CCDC102B: variants seen among roughly 807,000 people sequenced by gnomAD.
The protein encoded by CCDC102B is coiled-coil domain-containing protein 102B.
In CCDC102B, 75 loss-of-function variants were observed where a neutral mutation model predicts 57.4. That is an observed-to-expected ratio of 1.31 (90% CI 1.08 to 1.58). The LOEUF is 1.58. Ranked by LOEUF, CCDC102B falls within the 40% of genes most tolerant of loss-of-function variation. CCDC102B has a pLI of 0.00. For synonymous variants in CCDC102B, 206 were observed against 201.9 expected (o/e 1.02, Z -0.17); for missense variants, 636 against 582.6 (o/e 1.09, Z -0.94).
intron 7 of CCDC102B, among the ~76,000 whole-genome samples, chr18:69,038,113 T>C (rs2052343196): frequency 6.6e-6 from 1 of 151,978 alleles, no homozygotes; most frequent in South Asian, 2.1e-4. Flanking sequence ...TTTTTGTTTT[T>C]ATTTTTATAT....
At chr18:68,827,682 A>G (rs571387587) in intron 1 of CCDC102B, among the ~76,000 whole-genome samples, 119 of 152,150 alleles carry the variant, frequency 7.8e-4, no homozygotes, top group African/African-American at 2.7e-3. Flanking sequence ...GCCTAAATAG[A>G]CGAGGTAGAA....
chr18:68,830,164 T>A (rs2037086530), intron 1 of CCDC102B, among the ~76,000 whole-genome samples: 1 of 152,022 alleles, frequency 6.6e-6, no homozygotes, highest in Non-Finnish European at 1.5e-5. Context: ...ATTTAATCGA[T>A]ATGAGGTTCT....
At chr18:68,955,090 C>G (rs1406247600) in intron 6 of CCDC102B, among the ~76,000 whole-genome samples, 1 of 152,140 alleles carries the variant, frequency 6.6e-6, no homozygotes, top group Non-Finnish European at 1.5e-5. Context: ...ACAATGATGG[C>G]TACAACGCTA....
At chr18:68,904,249 C>T (rs984179562) in intron 6 of CCDC102B, among the ~76,000 whole-genome samples, 7 of 151,928 alleles carry the variant, frequency 4.6e-5, no homozygotes, top group African/African-American at 1.5e-4. Flanking sequence ...TAAAAATTTA[C>T]GTTATTATGG....
chr18:69,010,506 C>T (rs1471783051), intron 6 of CCDC102B, among the ~76,000 whole-genome samples: 1 of 152,110 alleles, frequency 6.6e-6, no homozygotes, highest in Admixed American at 6.5e-5. Context: ...AACATGACTA[C>T]AGCCTCACAA....
chr18:68,979,619 AG>A (rs1300787296), intron 6 of CCDC102B, among the ~76,000 whole-genome samples: 1 of 152,086 alleles, frequency 6.6e-6, no homozygotes, highest in African/African-American at 2.4e-5. Context: ...GATAAAATGC[AG>A]TTCCCTTTGA....
At chr18:68,765,335 A>G (rs1458360994) in intron 2 of CCDC102B, among the ~76,000 whole-genome samples, 1 of 108,782 alleles carries the variant, frequency 9.2e-6, no homozygotes, top group African/African-American at 3.2e-5. Flanking sequence ...GAAAGAAAGA[A>G]AGAAAGAAAG....
chr18:68,915,811 C>A (rs1359467365), intron 6 of CCDC102B, among the ~76,000 whole-genome samples: 1 of 152,072 alleles, frequency 6.6e-6, no homozygotes, highest in African/African-American at 2.4e-5. Context: ...CAATTTCAGT[C>A]GGTGTTTAGT....
chr18:68,872,413 T>A (rs905761398), intron 4 of CCDC102B, among the ~76,000 whole-genome samples: 4 of 152,122 alleles, frequency 2.6e-5, no homozygotes, highest in Admixed American at 2.6e-4. Context: ...CCAGATAAAT[T>A]TTTTTCTTTA....
chr18:68,838,685 T>G (rs2037493195), intron 2 of CCDC102B, 21 bp from the exon 3 acceptor site: 1 of 1,603,260 alleles, frequency 6.2e-7, no homozygotes, highest in African/African-American at 1.3e-5. Context: ...TTAAATATGT[T>G]TTGTTTTGTT....
intron 4 of CCDC102B, among the ~76,000 whole-genome samples, chr18:68,867,883 G>A (rs949073125): frequency 2.0e-5 from 3 of 151,992 alleles, no homozygotes; most frequent in Admixed American, 6.6e-5. Context: ...GCAGTGAGCC[G>A]AGGTCATGCC....
intron 2 of CCDC102B, among the ~76,000 whole-genome samples, chr18:68,743,675 AT>A (rs1312626896): frequency 6.6e-6 from 1 of 152,176 alleles, no homozygotes; most frequent in Admixed American, 6.5e-5. Context: ...TTTCAGATAC[AT>A]GAACTCCTGA....
At chr18:68,984,506 C>T (rs2050673851) in intron 6 of CCDC102B, among the ~76,000 whole-genome samples, 1 of 152,112 alleles carries the variant, frequency 6.6e-6, no homozygotes, top group Admixed American at 6.5e-5. Context: ...AGCTTTCTAA[C>T]TATGTCCTTC....
intron 5 of CCDC102B, among the ~76,000 whole-genome samples, chr18:68,895,985 C>G (rs2040228710): frequency 6.6e-6 from 1 of 151,878 alleles, no homozygotes; most frequent in Non-Finnish European, 1.5e-5. Flanking sequence ...TGTTACATTG[C>G]TAGACAAAGT....
intron 4 of CCDC102B, among the ~76,000 whole-genome samples, chr18:68,857,707 A>G (rs908248492): frequency 6.6e-6 from 1 of 151,994 alleles, no homozygotes; most frequent in African/African-American, 2.4e-5. Context: ...GATCACATGA[A>G]TGATTTTCTT....
chr18:68,762,424 A>G (rs1049894835), intron 2 of CCDC102B, among the ~76,000 whole-genome samples: 4 of 151,718 alleles, frequency 2.6e-5, no homozygotes, highest in Admixed American at 6.6e-5. Context: ...TTTTCTGTCC[A>G]TTATCTCCAC....
intron 5 of CCDC102B, among the ~76,000 whole-genome samples, chr18:68,893,275 A>C (rs1413323710): frequency 6.6e-6 from 1 of 152,164 alleles, no homozygotes. Context: ...TTATGTTATA[A>C]AAAAGAAAAA....
At chr18:68,932,162 A>G (rs2041695950) in intron 6 of CCDC102B, among the ~76,000 whole-genome samples, 1 of 151,810 alleles carries the variant, frequency 6.6e-6, no homozygotes, top group African/African-American at 2.4e-5. Flanking sequence ...AATAAGAATT[A>G]TTTCTTTTTA....
At chr18:68,882,658 G>C (rs11873981) in intron 5 of CCDC102B, among the ~76,000 whole-genome samples, 3,674 of 152,240 alleles carry the variant, frequency 0.024, 149 homozygotes, top group African/African-American at 0.084. Context: ...CTAGTATATA[G>C]AATTACTTAT....
Sources: gnomAD v4.1 joint callset for allele counts (sites outside exome capture counted in the v4.1 genomes callset) on GRCh38, gnomAD v4.1.1 for gene constraint, MANE v1.5 for transcripts, NCBI Gene and HGNC (gene_info 2026-07-23, HGNC 2026-07-21) for gene names.